Variants in TMEM181 observed in about 807,000 individuals in gnomAD.
TMEM181 encodes transmembrane protein 181.
TMEM181 carries 39 observed loss-of-function variants against 71.9 expected under a neutral mutation model. The observed-to-expected ratio is 0.54, with a 90% CI of 0.42 to 0.71. The LOEUF (loss-of-function observed/expected upper bound fraction) is 0.71. Among genes scored for constraint, TMEM181 ranks in the 30% least tolerant of loss-of-function variants. The pLI, the probability that TMEM181 is intolerant of heterozygous loss-of-function variation, is 0.00. For missense variants in TMEM181, 595 were observed against 583.0 expected, an observed-to-expected ratio of 1.02 and a Z score of -0.21; for synonymous variants, 245 against 228.8, an observed-to-expected ratio of 1.07 and a Z score of -0.64.
chr6:158,549,522 T>C (rs1781651410), intron 1 of TMEM181, among the ~76,000 whole-genome samples: 1 of 152,206 alleles, frequency 6.6e-6, no homozygotes, highest in Non-Finnish European at 1.5e-5. Flanking sequence ...CATGGTTGTT[T>C]ACAGACTTCA....
chr6:158,540,909 C>T lies in TMEM181; in HGVS notation c.131+4044C>T, dbSNP rs535235148. Among the ~76,000 whole-genome samples the T allele has an allele frequency of 7.8e-4, 119 of 152,284 alleles. 1 individual carries two copies. Among genetic ancestry groups the T allele is most frequent in the South Asian group, 1.5e-3 (7 of 4,824 alleles). On this transcript the variant is annotated intron_variant, in intron 1 of 16. Transcript: ENST00000367090. ...AGGTAGCTGGTACTACAGGCATGCA[C>T]CACCATACCCAACTAATATTTTTGT...
At chr6:158,589,076 A>G (rs1783950604) in intron 5 of TMEM181, among the ~76,000 whole-genome samples, 1 of 152,178 alleles carries the variant, frequency 6.6e-6, no homozygotes, top group Admixed American at 6.5e-5. Flanking sequence ...TAAAGGACAA[A>G]AGGAAGGGCT....
At chr6:158,609,774 C>T (rs777513075) in intron 10 of TMEM181, 1 of 254,474 alleles carries the variant, frequency 3.9e-6, no homozygotes, top group Non-Finnish European at 8.4e-6. Flanking sequence ...AGATCTTTGA[C>T]TCTGGCAGTC....
chr6:158,538,841 C>G (rs7768638), intron 1 of TMEM181, among the ~76,000 whole-genome samples: 27,923 of 152,010 alleles, frequency 0.18, 2,800 homozygotes, highest in Non-Finnish European at 0.21. Context: ...AGGGAGGAAA[C>G]TCCCAGAAGA....
chr6:158,628,754 C>T (rs1786485329), intron 14 of TMEM181, among the ~76,000 whole-genome samples: 1 of 152,228 alleles, frequency 6.6e-6, no homozygotes, highest in Non-Finnish European at 1.5e-5. Context: ...GGCTCCAAAC[C>T]CAGAGAGGCT....
rs548498424 is a variant in TMEM181 at position 158,629,393 on chromosome 6, C to T, written c.1193-337C>T. Among the ~76,000 whole-genome samples, 28 of 152,246 alleles carry T rather than the reference C, an allele frequency of 1.8e-4. No homozygotes were observed. In the South Asian group the frequency reaches 5.2e-3, roughly 28 times the overall value. On this transcript the variant is annotated intron_variant, in intron 14 of 16. Transcript: ENST00000684151. ...TAGAGACCTTGATTCACCGTATGCC[C>T]GTGGCCTTCCTGCCCTTTTCATGTA...
At chr6:158,575,018 A>G (rs763862898) in intron 2 of TMEM181, among the ~76,000 whole-genome samples, 10 of 152,178 alleles carry the variant, frequency 6.6e-5, no homozygotes, top group Non-Finnish European at 1.3e-4. Flanking sequence ...TTACTCAGCC[A>G]ATTTGTTTTA....
intron 1 of TMEM181, among the ~76,000 whole-genome samples, chr6:158,567,724 C>T (rs1227055763): frequency 6.6e-6 from 1 of 152,202 alleles, no homozygotes; most frequent in African/African-American, 2.4e-5. Context: ...CAGTGTTGCA[C>T]TTAGCAGCCT....
At chr6:158,554,073 A>AT (rs973759330) in intron 1 of TMEM181, among the ~76,000 whole-genome samples, 2 of 150,876 alleles carry the variant, frequency 1.3e-5, no homozygotes, top group Non-Finnish European at 3.0e-5. Flanking sequence ...CGCCTGGCTA[A>AT]TTTTTTTATT....
intron 1 of TMEM181, among the ~76,000 whole-genome samples, chr6:158,571,640 T>C (rs1309851528): frequency 6.6e-6 from 1 of 152,230 alleles, no homozygotes; most frequent in African/African-American, 2.4e-5. Context: ...ATGCTTAAAC[T>C]AAGGAATAGA....
chr6:158,536,865 G>A (rs543801046), exon 1 of TMEM181: 1 of 1,372,878 alleles, frequency 7.3e-7, no homozygotes, highest in South Asian at 1.9e-5. Flanking sequence ...CGCTACTACA[G>A]GTGGGCGCGG....
At chr6:158,596,185 C>G (rs768369238) in intron 6 of TMEM181, among the ~76,000 whole-genome samples, 2 of 152,192 alleles carry the variant, frequency 1.3e-5, no homozygotes, top group Non-Finnish European at 2.9e-5. Flanking sequence ...TCCCAAAGTG[C>G]TGGGATTACC....
chr6:158,604,953 A>G (rs1163261306), intron 6 of TMEM181, among the ~76,000 whole-genome samples: 2 of 151,990 alleles, frequency 1.3e-5, no homozygotes, highest in African/African-American at 4.8e-5. Context: ...AACATGTAGG[A>G]TGTTCCAAAA....
chr6:158,626,557 G>A (rs759655324), intron 13 of TMEM181: 11 of 456,412 alleles, frequency 2.4e-5, no homozygotes, highest in Middle Eastern at 3.2e-4. Context: ...TGTGGAGGGC[G>A]AGGACTGAGA....
intron 1 of TMEM181, among the ~76,000 whole-genome samples, chr6:158,539,482 C>T (rs1448879057): frequency 6.6e-6 from 1 of 152,252 alleles, no homozygotes; most frequent in African/African-American, 2.4e-5. Context: ...TCTTCATTTC[C>T]TTATTGGTGG....
chr6:158,559,963 C>A (rs1782053533), upstream of TMEM181: 2 of 788,348 alleles, frequency 2.5e-6, no homozygotes, highest in East Asian at 1.8e-4. Flanking sequence ...GGGCTCCGCC[C>A]CGGCACGGGG....
At chr6:158,566,714 GGGTGAGGGAAGTGATAC>G (rs1489835654) in intron 1 of TMEM181, among the ~76,000 whole-genome samples, 1 of 151,750 alleles carries the variant, frequency 6.6e-6, no homozygotes, top group Non-Finnish European at 1.5e-5. Context: ...GGAGGTGATG[GGGTGAGGGAAGTGATAC>G]GGTGAGGGAG....
chr6:158,590,159 T>C (rs1784025548), intron 6 of TMEM181, among the ~76,000 whole-genome samples: 1 of 152,114 alleles, frequency 6.6e-6, no homozygotes, highest in Non-Finnish European at 1.5e-5. Flanking sequence ...GACTGTCCTT[T>C]CTTGTGTCCA....
chr6:158,560,002 C>G (rs1782059118), upstream of TMEM181: 3 of 974,222 alleles, frequency 3.1e-6, 1 homozygote, highest in South Asian at 1.4e-4. Context: ...CCCCTCGCCG[C>G]GCGCCCGCGG....
Sources: gnomAD v4.1 joint callset for allele counts (sites outside exome capture counted in the v4.1 genomes callset) on GRCh38, gnomAD v4.1.1 for gene constraint, MANE v1.5 for transcripts, NCBI Gene and HGNC (gene_info 2026-07-23, HGNC 2026-07-21) for gene names.